Variants in PRIM1 observed in about 807,000 individuals in gnomAD.
The protein encoded by PRIM1 is DNA primase subunit 1, also known as DNA primase small subunit.
A neutral mutation model predicts 60.2 loss-of-function variants in PRIM1; 38 were observed. The observed-to-expected ratio is 0.63, with a 90% CI of 0.49 to 0.83. PRIM1 has a LOEUF of 0.83. PRIM1 is among the 40% of genes least tolerant of loss of function. The pLI is 0.00. For missense variants in PRIM1, 388 were observed against 506.2 expected, an observed-to-expected ratio of 0.77 and a Z score of 2.24; for synonymous variants, 158 against 160.2, an observed-to-expected ratio of 0.99 and a Z score of 0.10.
chr12:56,747,923 G>C (rs911768134), intron 2 of PRIM1, among the ~76,000 whole-genome samples: 3 of 152,068 alleles, frequency 2.0e-5, no homozygotes, highest in Non-Finnish European at 2.9e-5. Flanking sequence ...GGTGATACCA[G>C]GTATTGTTGG....
At chr12:56,734,995 T>A (rs1953815247) in intron 11 of PRIM1, among the ~76,000 whole-genome samples, 1 of 151,398 alleles carries the variant, frequency 6.6e-6, no homozygotes, top group Admixed American at 6.6e-5. Context: ...GTATTTTTAG[T>A]AGAGATAGGG....
In PRIM1 at chr12:56,747,017, T is replaced by C. The variant is rs770956129; in HGVS notation, c.277A>G (p.Thr93Ala). 6.2e-7 allele frequency: 1 copy of C among 1,612,378 alleles called. No homozygotes were observed. ...GCCTGGAAAGCTCCCAGCTTCACTG[T>C]ATTGTGTTGATTGGGCTACAGATAC... ...VYSHRPNQHN[T>A]VKLGAFQAQE... Residue 93 changes from threonine (T) to alanine (A), a missense_variant, in exon 3 of 13, where the codon ACA becomes GCA. This residue lies in a region of PRIM1 where 156 missense variants were observed against 175.8 expected (regional missense o/e 0.89). Transcript: ENST00000338193.
In PRIM1 at chr12:56,734,128, G is replaced by C; in HGVS notation, c.1243+19C>G. On this transcript the variant is annotated intron_variant, in intron 12 of 12. Coordinates refer to ENST00000338193, the MANE Select transcript of PRIM1 (RefSeq NM_000946.3). ...TAATAAGATCTAACTAGATAGAAGG[G>C]AAAGGCATAGCGTCTTACCACTCTT... 1 of 1,514,664 alleles carries C rather than the reference G, an allele frequency of 6.6e-7. No individual in the cohort carries two copies. Among genetic ancestry groups the C allele is most frequent in the Non-Finnish European group, 9.1e-7 (1 of 1,100,794 alleles). The allele number at this position is 1,514,664 out of a possible 1,614,324, so 93.8% of individuals were successfully genotyped here. A position where few individuals can be genotyped will look rare whatever the true frequency, so the allele number is the denominator to read the frequency against.
intron 12 of PRIM1, among the ~76,000 whole-genome samples, chr12:56,733,217 G>C (rs1434037813): frequency 8.8e-5 from 13 of 148,262 alleles, no homozygotes; most frequent in Non-Finnish European, 3.0e-5. Flanking sequence ...GAGTGCGATG[G>C]CACAATTTCA....
At chr12:56,739,804 T>C (rs1953858603) in intron 9 of PRIM1, among the ~76,000 whole-genome samples, 1 of 152,134 alleles carries the variant, frequency 6.6e-6, no homozygotes, top group African/African-American at 2.4e-5. Context: ...TTGCTGGGAT[T>C]ACAGGTGTGA....
chr12:56,736,254 C>T, intron 11 of PRIM1, among the ~76,000 whole-genome samples: 1 of 122,788 alleles, frequency 8.1e-6, no homozygotes, highest in Admixed American at 1.0e-4. Context: ...GCTGAGATTG[C>T]ACCATTGCAC....
intron 11 of PRIM1, among the ~76,000 whole-genome samples, chr12:56,734,874 C>G (rs1320959195): frequency 1.4e-5 from 2 of 144,066 alleles, no homozygotes; most frequent in Non-Finnish European, 3.0e-5. Context: ...TGCAATGGTG[C>G]GATCTCGGCT....
At chr12:56,737,267 T>C (rs1194028032) in intron 11 of PRIM1, among the ~76,000 whole-genome samples, 1 of 152,042 alleles carries the variant, frequency 6.6e-6, no homozygotes, top group Non-Finnish European at 1.5e-5. Flanking sequence ...CCCCCTCTCT[T>C]TGCAGTCCGT....
chr12:56,748,199 TATTGATATTACAA>T (rs1304967234), intron 2 of PRIM1, among the ~76,000 whole-genome samples: 1 of 152,182 alleles, frequency 6.6e-6, no homozygotes, highest in Non-Finnish European at 1.5e-5. Context: ...GAGTGTGTTG[TATTGATATTACAA>T]ATTGATATTA....
At chr12:56,734,490 A>G (rs1206799428) in intron 11 of PRIM1, among the ~76,000 whole-genome samples, 8 of 151,746 alleles carry the variant, frequency 5.3e-5, no homozygotes, top group Non-Finnish European at 1.2e-4. Context: ...GCCTCGATCT[A>G]CTGGGCTCAA....
intron 11 of PRIM1, among the ~76,000 whole-genome samples, chr12:56,735,352 T>C (rs1347146293): frequency 3.7e-5 from 5 of 135,018 alleles, no homozygotes; most frequent in East Asian, 2.2e-4. Context: ...CCTGCCTCAG[T>C]CTCCCAAAGT....
intron 4 of PRIM1, chr12:56,746,475 AC>A (rs1266436008): frequency 3.5e-6 from 2 of 566,618 alleles, no homozygotes; most frequent in Non-Finnish European, 6.4e-6. Flanking sequence ...TACTAAAAAT[AC>A]AAAAATTAAC....
chr12:56,742,372 C>A (rs1264156070), intron 7 of PRIM1, among the ~76,000 whole-genome samples: 1 of 151,704 alleles, frequency 6.6e-6, no homozygotes, highest in Admixed American at 6.6e-5. Context: ...TCATTTGAGA[C>A]CAGCTTGGCT....
At chr12:56,751,966 GTTTTTTTTTTT>G (rs66861394) in intron 1 of PRIM1, among the ~76,000 whole-genome samples, 2 of 79,364 alleles carry the variant, frequency 2.5e-5, no homozygotes, top group African/African-American at 5.2e-5. Flanking sequence ...CGGCGGCTCT[GTTTTTTTTTTT>G]TTTTTTTTTT....
intron 1 of PRIM1, among the ~76,000 whole-genome samples, chr12:56,751,967 T>G (rs1308124386): frequency 4.2e-4 from 5 of 11,844 alleles, no homozygotes; most frequent in Admixed American, 1.0e-3. Context: ...GGCGGCTCTG[T>G]TTTTTTTTTT....
chr12:56,742,941 G>A (rs1242223783), intron 7 of PRIM1, 46 bp downstream of exon 7: 1 of 1,373,598 alleles, frequency 7.3e-7, no homozygotes, highest in Non-Finnish European at 9.8e-7. Flanking sequence ...TAATATCACA[G>A]ATCAAAACAA....
chr12:56,748,952 C>T (rs938439504), intron 2 of PRIM1, among the ~76,000 whole-genome samples: 9 of 151,796 alleles, frequency 5.9e-5, no homozygotes, highest in African/African-American at 1.9e-4. Flanking sequence ...CTAGACTTGT[C>T]TCAACAAAAG....
In PRIM1 at chr12:56,741,826, C is replaced by T. The variant is rs750021325; in HGVS notation, c.760G>A (p.Glu254Lys). ...GACTTTTGGAAGCTTTGTTGAAGTT[C>T]ATCATGAATTGGTGATGGGTCATTA... ...LALVPETIHD[E>K]LQQSFQKSHN... Residue 254 changes from glutamate (E) to lysine (K), a missense_variant, in exon 8 of 13, where the codon GAA becomes AAA. Around this residue, in one of 3 missense-constraint regions of PRIM1, gnomAD observed 211 missense variants for 277.9 expected, o/e 0.76. Coordinates refer to ENST00000338193, the MANE Select transcript of PRIM1 (RefSeq NM_000946.3). 1.4e-5 allele frequency: 22 copies of T among 1,613,788 alleles called. No individual in the cohort carries two copies. Among genetic ancestry groups the T allele is most frequent in the African/African-American group, 5.3e-5 (4 of 74,928 alleles).
intron 1 of PRIM1, 76 bp downstream of exon 1, chr12:56,752,120 A>ATAT: frequency 9.2e-7 from 1 of 1,092,554 alleles, no homozygotes; most frequent in Non-Finnish European, 1.3e-6. Flanking sequence ...AAGGCGCTTC[A>ATAT]TATTGTCATT....
Sources: gnomAD v4.1 joint callset for allele counts (sites outside exome capture counted in the v4.1 genomes callset) on GRCh38, gnomAD v4.1.1 for gene constraint, gnomAD v4.1.1 regional missense constraint, MANE v1.5 for transcripts, NCBI Gene and HGNC (gene_info 2026-07-23, HGNC 2026-07-21) for gene names.